UNC13C: variants seen among roughly 807,000 people sequenced by gnomAD.
The protein encoded by UNC13C is protein unc-13 homolog C.
In UNC13C, 174 loss-of-function variants were observed where a neutral mutation model predicts 245.4. The observed-to-expected ratio is 0.71, with a 90% CI of 0.63 to 0.80. UNC13C has a LOEUF of 0.80. Among genes scored for constraint, UNC13C ranks in the 30% least tolerant of loss-of-function variants. The probability of loss-of-function intolerance (pLI) is 0.00; values close to 1 mark genes in which losing one functional copy is unlikely to be tolerated. For synonymous variants in UNC13C, 992 were observed against 895.1 expected (o/e 1.11, Z -1.93); for missense variants, 2,829 against 2,602.9 (o/e 1.09, Z -1.89).
At chr15:54,442,727 T>A (rs1596381792) in intron 19 of UNC13C, among the ~76,000 whole-genome samples, 2 of 152,196 alleles carry the variant, frequency 1.3e-5, no homozygotes, top group South Asian at 4.1e-4. Flanking sequence ...ATCACATTTA[T>A]TGATTTACAT....
intron 4 of UNC13C, among the ~76,000 whole-genome samples, chr15:54,228,064 G>A (rs912025546): frequency 6.6e-6 from 1 of 152,108 alleles, no homozygotes; most frequent in African/African-American, 2.4e-5. Context: ...CCTCAACCGT[G>A]CTACAAAGTC....
At chr15:54,548,550 A>G (rs1052745144) in intron 27 of UNC13C, among the ~76,000 whole-genome samples, 2 of 152,094 alleles carry the variant, frequency 1.3e-5, no homozygotes, top group African/African-American at 4.8e-5. Context: ...TCTTCAAAGT[A>G]GCAATTATGG....
chr15:54,494,171 A>C (rs1231830904), intron 19 of UNC13C, among the ~76,000 whole-genome samples: 1 of 152,216 alleles, frequency 6.6e-6, no homozygotes, highest in African/African-American at 2.4e-5. Flanking sequence ...AACATGGCAC[A>C]TGTATACATA....
intron 2 of UNC13C, among the ~76,000 whole-genome samples, chr15:54,097,379 A>G (rs898094304): frequency 3.3e-5 from 5 of 152,170 alleles, no homozygotes; most frequent in Admixed American, 6.5e-5. Context: ...ATCTACCTCA[A>G]TCTCCCCAAT....
chr15:54,525,368 G>A (rs1244842887), intron 24 of UNC13C, among the ~76,000 whole-genome samples, 181 bp from the exon 25 acceptor site: 1 of 146,818 alleles, frequency 6.8e-6, no homozygotes, highest in African/African-American at 2.5e-5. Context: ...GAACCCCTTG[G>A]TTTCTTTAAA....
chr15:54,214,056 T>C (rs556409928), intron 4 of UNC13C, among the ~76,000 whole-genome samples: 32 of 152,064 alleles, frequency 2.1e-4, no homozygotes, highest in Admixed American at 5.9e-4. Flanking sequence ...TGTGGATCAA[T>C]TGGAATCCCT....
At chr15:54,236,018 T>TAAA (rs11465193) in intron 5 of UNC13C, among the ~76,000 whole-genome samples, 29 of 146,818 alleles carry the variant, frequency 2.0e-4, no homozygotes, top group African/African-American at 5.7e-4. Flanking sequence ...CATTAGATTG[T>TAAA]AAAAAAAAAA....
chr15:54,023,670 CAGTTA>C (rs1304528771), intron 2 of UNC13C, among the ~76,000 whole-genome samples: 1 of 152,108 alleles, frequency 6.6e-6, no homozygotes, highest in East Asian at 1.9e-4. Flanking sequence ...TTCATAAACA[CAGTTA>C]AGTTATGTTA....
intron 4 of UNC13C, among the ~76,000 whole-genome samples, chr15:54,232,223 A>G (rs2035572829): frequency 6.6e-6 from 1 of 152,118 alleles, no homozygotes; most frequent in Admixed American, 6.5e-5. Flanking sequence ...TTTTGAGGCT[A>G]TCTGTGAAGG....
At chr15:54,435,123 C>G (rs1343793085) in intron 19 of UNC13C, among the ~76,000 whole-genome samples, 3 of 152,118 alleles carry the variant, frequency 2.0e-5, no homozygotes, top group South Asian at 2.1e-4. Context: ...TGCTTTTACA[C>G]TGTTGGTGAG....
intron 17 of UNC13C, among the ~76,000 whole-genome samples, chr15:54,380,209 T>A (rs1327933433): frequency 6.6e-6 from 1 of 151,998 alleles, no homozygotes; most frequent in East Asian, 1.9e-4. Context: ...GATCAACTTT[T>A]TTAGGTTCCA....
the UNC13C span, among the ~76,000 whole-genome samples, chr15:53,873,895 C>A: frequency 2.2e-5 from 3 of 138,820 alleles, no homozygotes; most frequent in Admixed American, 7.5e-5. Flanking sequence ...TCTTCCTTCT[C>A]TTTCCTTCCT....
intron 4 of UNC13C, among the ~76,000 whole-genome samples, chr15:54,180,943 G>A (rs1174091401): frequency 6.6e-6 from 1 of 151,978 alleles, no homozygotes; most frequent in African/African-American, 2.4e-5. Context: ...TTTCTAGGTT[G>A]TCTGCTTACT....
At chr15:54,032,105 T>C (rs1413542012) in intron 2 of UNC13C, among the ~76,000 whole-genome samples, 2 of 152,238 alleles carry the variant, frequency 1.3e-5, no homozygotes, top group Non-Finnish European at 2.9e-5. Context: ...TGAGGAAATA[T>C]ATGTACTTTG....
chr15:54,139,917 T>G (rs935113580), intron 2 of UNC13C, among the ~76,000 whole-genome samples: 2 of 152,194 alleles, frequency 1.3e-5, no homozygotes, highest in African/African-American at 4.8e-5. Context: ...ACTTAACCTA[T>G]TGTCCAAGCA....
At chr15:54,426,265 A>G (rs533019036) in intron 19 of UNC13C, among the ~76,000 whole-genome samples, 2 of 150,476 alleles carry the variant, frequency 1.3e-5, no homozygotes, top group South Asian at 4.3e-4. Context: ...TGAAAGTGTC[A>G]TACAGGACTT....
rs149346971 is a variant in UNC13C, at chr15:54,580,111, T to A, written c.6106+12164T>A. On this transcript the variant is annotated intron_variant, in intron 30 of 32. Coordinates refer to ENST00000260323, the MANE Select transcript of UNC13C (RefSeq NM_001080534.3). Reference sequence around the variant, plus strand: ...CAAGAAAGCAAAATGCAATACAATTTCTCTGGACCCACTGAGCCACCACGC... The same window carrying A: ...CAAGAAAGCAAAATGCAATACAATTACTCTGGACCCACTGAGCCACCACGC... Among the ~76,000 whole-genome samples, 115 of 152,316 alleles carry A rather than the reference T, an allele frequency of 7.6e-4. 1 individual carries two copies. Among genetic ancestry groups the A allele is most frequent in the African/African-American group, 2.5e-3 (106 of 41,572 alleles).
At chr15:53,858,284 G>T in the UNC13C span, among the ~76,000 whole-genome samples, 71 of 152,064 alleles carry the variant, frequency 4.7e-4, 3 homozygotes, top group South Asian at 0.014. Context: ...TGTTTGCTTA[G>T]GAATAGTATT....
chr15:53,929,705 C>T, the UNC13C span, among the ~76,000 whole-genome samples: 2 of 152,090 alleles, frequency 1.3e-5, no homozygotes, highest in African/African-American at 4.8e-5. Context: ...ATTATAAACA[C>T]TTTAGAGACA....
Sources: allele counts gnomAD v4.1 joint callset (sites outside exome capture counted in the v4.1 genomes callset), GRCh38; gene constraint gnomAD v4.1.1; transcripts MANE v1.5; gene names NCBI Gene and HGNC (gene_info 2026-07-23, HGNC 2026-07-21).